BICDL1: variants seen among roughly 807,000 people sequenced by gnomAD.
BICDL1 encodes the protein BICD family like cargo adaptor 1.
In BICDL1, 20 loss-of-function variants were observed where a neutral mutation model predicts 76.8. The ratio of observed to expected loss-of-function variants is 0.26; its 90% CI spans 0.18 to 0.38. The LOEUF (loss-of-function observed/expected upper bound fraction) is 0.38. Among genes scored for constraint, BICDL1 ranks in the 10% least tolerant of loss-of-function variants. The pLI is 1.00. For synonymous variants in BICDL1, 383 were observed against 337.1 expected (o/e 1.14, Z -1.49); for missense variants, 700 against 798.6 (o/e 0.88, Z 1.49).
At chr12:120,041,368 G>A (rs1045939381) in intron 2 of BICDL1, among the ~76,000 whole-genome samples, 16 of 152,252 alleles carry the variant, frequency 1.1e-4, no homozygotes, top group Admixed American at 7.2e-4. Flanking sequence ...TTTACAGACC[G>A]TTTTGTTCCC....
chr12:119,996,496 A>G (rs1951648161), intron 1 of BICDL1, among the ~76,000 whole-genome samples: 1 of 152,190 alleles, frequency 6.6e-6, no homozygotes, highest in Admixed American at 6.5e-5. Context: ...AGCATTCTGA[A>G]AGATATTTTG....
intron 8 of BICDL1, among the ~76,000 whole-genome samples, chr12:120,088,341 A>T (rs1387652864): frequency 1.3e-5 from 2 of 151,468 alleles, no homozygotes; most frequent in Non-Finnish European, 2.9e-5. Flanking sequence ...ATTCTACCTC[A>T]TGGTTTTTTG....
In BICDL1 at chr12:120,079,583, C is replaced by G. The variant is rs1208942414; in HGVS notation, c.1453-1304C>G. ...CATCCTGACTCACGTCTGATCTTATCAACTGAGAAGAAGGGGCTCCCACCC... is the reference window on the plus strand; with the variant it reads ...CATCCTGACTCACGTCTGATCTTATGAACTGAGAAGAAGGGGCTCCCACCC... On this transcript the variant is annotated intron_variant, in intron 7 of 9. Coordinates refer to ENST00000548673, the MANE Select transcript of BICDL1 (RefSeq NM_001367886.1). The surrounding 1 kb of genome is among the most constrained non-coding windows in gnomAD (Gnocchi z 4.3). Among the ~76,000 whole-genome samples the G allele has an allele frequency of 6.6e-6, 1 of 152,170 alleles. No homozygotes were observed. The highest frequency in any genetic ancestry group is 2.4e-5 in the African/African-American group (1 of 41,420).
chr12:120,051,596 G>A (rs1266334880), intron 2 of BICDL1, among the ~76,000 whole-genome samples: 2 of 151,930 alleles, frequency 1.3e-5, no homozygotes, highest in Admixed American at 6.5e-5. Flanking sequence ...GAGGATTTGC[G>A]TTTTCTTCTG....
At chr12:120,060,690 G>A (rs1196813003) in intron 2 of BICDL1, among the ~76,000 whole-genome samples, 1 of 152,164 alleles carries the variant, frequency 6.6e-6, no homozygotes, top group Non-Finnish European at 1.5e-5. Context: ...GTCCAGTGAG[G>A]TAACATTTGT....
intron 2 of BICDL1, among the ~76,000 whole-genome samples, chr12:120,039,220 C>T (rs1344974082): frequency 1.3e-5 from 2 of 152,078 alleles, no homozygotes; most frequent in African/African-American, 2.4e-5. Flanking sequence ...TCGCTTGAAC[C>T]TGGGAGGCGG....
intron 1 of BICDL1, among the ~76,000 whole-genome samples, chr12:119,995,420 C>T (rs1951621918): frequency 6.6e-6 from 1 of 152,186 alleles, no homozygotes; most frequent in African/African-American, 2.4e-5. Context: ...GTCCTCAGCC[C>T]TGCCCCCAAG....
intron 2 of BICDL1, among the ~76,000 whole-genome samples, chr12:120,008,279 C>T (rs903133522): frequency 6.6e-6 from 1 of 150,716 alleles, no homozygotes; most frequent in African/African-American, 2.4e-5. Context: ...CCACCTCAGC[C>T]TCCCAGGTGG....
Position 120,074,583 on chromosome 12 carries a change from T to C in BICDL1, c.1449T>C (p.Ser483=), listed in dbSNP as rs1873389692. ...QSLEELQRLH[S]QVTLLSVEMT... ...TAGAAGAGCTGCAGCGACTCCACAGTCAGGTGAGCACCCCAACCTTCAGTT... is the reference window on the plus strand; with the variant it reads ...TAGAAGAGCTGCAGCGACTCCACAGCCAGGTGAGCACCCCAACCTTCAGTT... Residue 483 remains serine (S), a synonymous_variant, in exon 7 of 10, where the codon AGT becomes AGC. Transcript: ENST00000548673. 8.2e-7 allele frequency: 1 copy of C among 1,224,728 alleles called. No individual in the cohort carries two copies. Among genetic ancestry groups the C allele is most frequent in the Non-Finnish European group, 1.0e-6 (1 of 956,934 alleles). The allele number at this position is 1,224,728 out of a possible 1,614,324, so 75.9% of individuals were successfully genotyped here. A position where few individuals can be genotyped will look rare whatever the true frequency, so the allele number is the denominator to read the frequency against.
At chr12:120,082,918 T>C (rs1029918454) in intron 8 of BICDL1, among the ~76,000 whole-genome samples, 1 of 152,166 alleles carries the variant, frequency 6.6e-6, no homozygotes, top group South Asian at 2.1e-4. Flanking sequence ...TCTCACTCTG[T>C]CACCCATGCT....
chr12:119,995,620 A>C (rs10849731), intron 1 of BICDL1, among the ~76,000 whole-genome samples: 3 of 152,164 alleles, frequency 2.0e-5, no homozygotes, highest in African/African-American at 7.2e-5. Flanking sequence ...GAATAAAAGC[A>C]AGTATCACAA....
At chr12:120,061,227 CAAG>C (rs1953097931) in intron 2 of BICDL1, among the ~76,000 whole-genome samples, 1 of 152,126 alleles carries the variant, frequency 6.6e-6, no homozygotes, top group African/African-American at 2.4e-5. Flanking sequence ...ACAGGTATGA[CAAG>C]AAATTTCAAA....
At chr12:120,017,621 A>G (rs927320088) in intron 2 of BICDL1, among the ~76,000 whole-genome samples, 3 of 152,130 alleles carry the variant, frequency 2.0e-5, no homozygotes, top group African/African-American at 7.2e-5. Flanking sequence ...AGTTGTAGCT[A>G]CTTGGGTGAC....
intron 2 of BICDL1, among the ~76,000 whole-genome samples, chr12:120,005,376 T>C (rs1951831378): frequency 6.6e-6 from 1 of 152,186 alleles, no homozygotes; most frequent in African/African-American, 2.4e-5. Flanking sequence ...TTTGTTTTTG[T>C]TTGTTTTTGA....
At chr12:119,997,717 A>G (rs1218903778) in intron 1 of BICDL1, among the ~76,000 whole-genome samples, 1 of 152,122 alleles carries the variant, frequency 6.6e-6, no homozygotes, top group Non-Finnish European at 1.5e-5. Context: ...TGGTTAATTG[A>G]AAAGATCTCT....
chr12:120,007,695 C>T (rs1951875948), intron 2 of BICDL1, among the ~76,000 whole-genome samples: 1 of 152,188 alleles, frequency 6.6e-6, no homozygotes, highest in Non-Finnish European at 1.5e-5. Context: ...TAAACAGATC[C>T]TTGTTCTTTA....
At position 119,989,887 on chromosome 12, in the gene BICDL1, G is replaced by T. The variant is rs1343417981; in HGVS notation, c.19G>T (p.Gly7Cys). 4 of 1,437,392 alleles carry T rather than the reference G, an allele frequency of 2.8e-6. No individual in the cohort carries two copies. The highest frequency in any genetic ancestry group is 3.6e-6 in the Non-Finnish European group (4 of 1,107,078). 89.0% of individuals were successfully genotyped at this position (1,437,392 alleles called of 1,614,324 possible). The change falls in exon 1 of 10, where the codon GGC becomes TGC. Residue 7 changes from glycine (G) to cysteine (C), a missense_variant. This residue lies in a region of BICDL1 where 225 missense variants were observed against 199.6 expected (regional missense o/e 1.13). Transcript: ENST00000548673. ...GCGGGCCATGTCCGCTTTCTGCCTG[G>T]GCTTGGTCGGCCGCGCTTCAGCACC... MSAFCLGLVGRASAPAE... is the reference protein window; with the variant it reads MSAFCLCLVGRASAPAE...
At chr12:119,995,967 CAG>C (rs1479207062) in intron 1 of BICDL1, among the ~76,000 whole-genome samples, 1 of 143,998 alleles carries the variant, frequency 6.9e-6, no homozygotes, top group East Asian at 2.0e-4. Context: ...GCCTGGGAGA[CAG>C]AGCAAGACTC....
At chr12:120,018,428 A>G (rs1412559860) in intron 2 of BICDL1, among the ~76,000 whole-genome samples, 3 of 152,200 alleles carry the variant, frequency 2.0e-5, no homozygotes, top group Non-Finnish European at 4.4e-5. Context: ...GGAACCTTTC[A>G]GGTAAGCCTT....
Sources: gnomAD v4.1 joint callset for allele counts (sites outside exome capture counted in the v4.1 genomes callset) on GRCh38, gnomAD v4.1.1 for gene constraint, gnomAD v4.1.1 regional missense constraint, Gnocchi (gnomAD v3.1) non-coding constraint, MANE v1.5 for transcripts, NCBI Gene and HGNC (gene_info 2026-07-23, HGNC 2026-07-21) for gene names.